CELF1: variants seen among roughly 807,000 people sequenced by gnomAD.
The protein encoded by CELF1 is 50 kDa nuclear polyadenylated RNA-binding protein.
Under a neutral mutation model 61.8 loss-of-function variants are expected in CELF1, and 10 were observed. The ratio of observed to expected loss-of-function variants is 0.16; its 90% CI spans 0.10 to 0.27. The LOEUF (loss-of-function observed/expected upper bound fraction) is 0.27, where lower values mean the gene tolerates loss of function less well. CELF1 is among the 10% of genes least tolerant of loss of function. The pLI, the probability that CELF1 is intolerant of heterozygous loss-of-function variation, is 1.00. For synonymous variants in CELF1, 236 were observed against 225.1 expected, an observed-to-expected ratio of 1.05 and a Z score of -0.43; for missense variants, 380 against 639.1, an observed-to-expected ratio of 0.59 and a Z score of 4.37.
chr11:47,527,512 T>C (rs893809112), intron 1 of CELF1, among the ~76,000 whole-genome samples: 5 of 152,112 alleles, frequency 3.3e-5, no homozygotes, highest in Admixed American at 6.5e-5. Context: ...TCACTTGAGA[T>C]CAGGAGTTCA....
chr11:47,538,506 G>A (rs2096688384), intron 1 of CELF1, among the ~76,000 whole-genome samples: 1 of 152,050 alleles, frequency 6.6e-6, no homozygotes, highest in Admixed American at 6.6e-5. Context: ...AGCCAGGCAT[G>A]GTGGTGGGCA....
intron 1 of CELF1, 44 bp downstream of exon 1, chr11:47,552,944 CCCCT>C (rs776432610): frequency 5.0e-6 from 2 of 396,636 alleles, no homozygotes; most frequent in South Asian, 1.3e-4. Context: ...TGCCTTTTTT[CCCCT>C]CCCTCCCTCC....
In CELF1 at chr11:47,467,956, CAG is replaced by C. The variant is rs1314714050; in HGVS notation, c.*4272_*4273del. On this transcript the variant is annotated 3_prime_UTR_variant, in exon 15 of 15. Coordinates refer to ENST00000687097, the MANE Select transcript of CELF1 (RefSeq NM_001376376.1). ...CAGTTTTTGCACAAACTATAGAAAA[CAG>C]AGAGGTGAAGGTGATATATACGAAG... 6.6e-6 allele frequency: 1 copy of C among 152,016 alleles called. No individual in the cohort carries two copies. The highest frequency in any genetic ancestry group is 1.5e-5 in the Non-Finnish European group (1 of 67,994). 9.4% of individuals were successfully genotyped at this position (152,016 alleles called of 1,614,324 possible).
intron 14 of CELF1, among the ~76,000 whole-genome samples, chr11:47,472,742 A>T (rs986857253): frequency 6.6e-6 from 1 of 151,768 alleles, no homozygotes; most frequent in African/African-American, 2.4e-5. Flanking sequence ...ATGAGGTCTC[A>T]CTCTGTTGCT....
At chr11:47,478,800 C>A (rs183080391) in intron 10 of CELF1, 77 bp downstream of exon 10, 883 of 1,196,806 alleles carry the variant, frequency 7.4e-4, no homozygotes, top group Non-Finnish European at 9.6e-4. Flanking sequence ...AGAAACGATG[C>A]CAAACTCCCA....
At chr11:47,505,114 C>T (rs143726419) in intron 1 of CELF1, among the ~76,000 whole-genome samples, 2 of 151,108 alleles carry the variant, frequency 1.3e-5, no homozygotes, top group African/African-American at 2.4e-5. Flanking sequence ...ACTCTGTACT[C>T]AGCTCTGTAC....
chr11:47,472,921 A>C (rs937860262), intron 14 of CELF1, among the ~76,000 whole-genome samples, 167 bp downstream of exon 14: 11 of 152,168 alleles, frequency 7.2e-5, no homozygotes, highest in African/African-American at 2.7e-4. Flanking sequence ...CCTTACCTCC[A>C]CTACAGCAAT....
chr11:47,472,175 C>T lies in CELF1; in HGVS notation c.*55G>A, dbSNP rs570997512. 3 of 1,599,282 alleles carry T rather than the reference C, an allele frequency of 1.9e-6. No homozygotes were observed. Among genetic ancestry groups the T allele is most frequent in the African/African-American group, 1.3e-5 (1 of 74,610 alleles). On this transcript the variant is annotated 3_prime_UTR_variant, in exon 15 of 15. Coordinates refer to ENST00000687097, the MANE Select transcript of CELF1 (RefSeq NM_001376376.1). ...TCAGGGCTTCGAATCATTAAGGGTG[C>T]TCCTCCCCCACTTACCAGAAGACCC...
chr11:47,561,906 G>A (rs990041078), intron 2 of CELF1, among the ~76,000 whole-genome samples: 2 of 151,830 alleles, frequency 1.3e-5, no homozygotes, highest in African/African-American at 4.8e-5. Flanking sequence ...CATAAGACAG[G>A]TATCAACACA....
intron 1 of CELF1, among the ~76,000 whole-genome samples, chr11:47,509,243 A>G (rs1314786359): frequency 6.6e-6 from 1 of 152,184 alleles, no homozygotes; most frequent in Non-Finnish European, 1.5e-5. Flanking sequence ...GGGGAACCAA[A>G]GGGCACATGC....
At chr11:47,505,457 CCT>C (rs765192190) in intron 1 of CELF1, among the ~76,000 whole-genome samples, 1 of 150,454 alleles carries the variant, frequency 6.6e-6, no homozygotes, top group Non-Finnish European at 1.5e-5. Flanking sequence ...GGTGAAATCC[CCT>C]CTCTACTAAA....
At chr11:47,531,075 C>T (rs953038577) in intron 1 of CELF1, among the ~76,000 whole-genome samples, 1 of 151,428 alleles carries the variant, frequency 6.6e-6, no homozygotes, top group Non-Finnish European at 1.5e-5. Flanking sequence ...GGCGAAACCC[C>T]GTCTCTACTA....
At chr11:47,525,848 G>C (rs2153671197) in intron 1 of CELF1, among the ~76,000 whole-genome samples, 1 of 152,172 alleles carries the variant, frequency 6.6e-6, no homozygotes, top group Non-Finnish European at 1.5e-5. Context: ...GGTAGGCCAA[G>C]GTGGGTGGAC....
In CELF1 at chr11:47,484,432, A is replaced by T. The variant is rs1448262607; in HGVS notation, c.483T>A (p.Ile161=). The stretch of plus-strand genomic sequence containing the variant: ...GTCCCCGCAATATCCGGCATTCTTC[A>T]ATCTGTCCAAACGAAGAGAACATGA... ...IRVMFSSFGQ[I]EECRILRGPD... The change falls in exon 7 of 15, where the codon ATT becomes ATA. Residue 161 remains isoleucine (I), a synonymous_variant. Coordinates refer to ENST00000687097, the MANE Select transcript of CELF1 (RefSeq NM_001376376.1). The T allele has an allele frequency of 1.2e-6, 2 of 1,613,794 alleles. No individual in the cohort carries two copies. The highest frequency in any genetic ancestry group is 3.3e-5 in the Admixed American group (2 of 59,896).
At chr11:47,484,052 G>A (rs1417360634) in intron 7 of CELF1, among the ~76,000 whole-genome samples, 2 of 152,160 alleles carry the variant, frequency 1.3e-5, no homozygotes, top group Non-Finnish European at 2.9e-5. Flanking sequence ...AAGATTCCAA[G>A]CCCGGTGCAG....
chr11:47,542,848 C>G (rs972565045), intron 1 of CELF1, among the ~76,000 whole-genome samples: 11 of 151,946 alleles, frequency 7.2e-5, no homozygotes, highest in Non-Finnish European at 1.5e-4. Flanking sequence ...AAAATATCAA[C>G]AGGGCTGGGT....
chr11:47,534,166 T>C, intron 1 of CELF1, among the ~76,000 whole-genome samples: 1 of 151,016 alleles, frequency 6.6e-6, no homozygotes. Flanking sequence ...GTAGCTGAGA[T>C]TACAGGCGCC....
At chr11:47,511,195 C>G (rs960106611) in intron 1 of CELF1, among the ~76,000 whole-genome samples, 2 of 151,866 alleles carry the variant, frequency 1.3e-5, no homozygotes, top group South Asian at 2.1e-4. Flanking sequence ...AAAACCAAAA[C>G]AAAAAAATAA....
intron 2 of CELF1, among the ~76,000 whole-genome samples, chr11:47,559,363 C>G (rs1025126737): frequency 3.3e-5 from 5 of 150,082 alleles, no homozygotes; most frequent in Non-Finnish European, 7.4e-5. Context: ...CTTCGCCTGG[C>G]CTTTTTTTTT....
Sources: allele counts gnomAD v4.1 joint callset (sites outside exome capture counted in the v4.1 genomes callset), GRCh38; gene constraint gnomAD v4.1.1; transcripts MANE v1.5; gene names NCBI Gene and HGNC (gene_info 2026-07-23, HGNC 2026-07-21).